The following OXR1 variants were observed in gnomAD, a reference collection of about 807,000 sequenced individuals.
OXR1 encodes the protein oxidation resistance protein 1.
A neutral mutation model predicts 104.6 loss-of-function variants in OXR1; 41 were observed. The observed-to-expected ratio is 0.39, with a 90% confidence interval of 0.31 to 0.51. OXR1 has a LOEUF of 0.51. Ranked by LOEUF, OXR1 falls within the 20% of genes least tolerant of loss-of-function variation. The pLI is 0.77. For missense variants in OXR1, 955 were observed against 1,031.9 expected, an observed-to-expected ratio of 0.93 and a Z score of 1.02; for synonymous variants, 348 against 348.4, an observed-to-expected ratio of 1.00 and a Z score of 0.01.
At chr8:106,518,755 T>G (rs1813043086) in intron 2 of OXR1, among the ~76,000 whole-genome samples, 188 bp from the exon 3 acceptor site, 1 of 152,226 alleles carries the variant, frequency 6.6e-6, no homozygotes, top group African/African-American at 2.4e-5. Flanking sequence ...AAGATATTTT[T>G]CCTTCTAGTT....
chr8:106,492,450 G>A (rs180685691), intron 2 of OXR1, among the ~76,000 whole-genome samples: 1 of 152,318 alleles, frequency 6.6e-6, no homozygotes, highest in African/African-American at 2.4e-5. Context: ...TAAATTCTCA[G>A]TGTGTTCACT....
chr8:106,711,620 C>T (rs944712226), intron 10 of OXR1, among the ~76,000 whole-genome samples: 2 of 152,040 alleles, frequency 1.3e-5, no homozygotes, highest in Admixed American at 1.3e-4. Context: ...TTTTAGGCTA[C>T]CTGCAAGCCA....
chr8:106,369,311 G>A (rs1188690353), intron 2 of OXR1, among the ~76,000 whole-genome samples: 1 of 152,076 alleles, frequency 6.6e-6, no homozygotes, highest in African/African-American at 2.4e-5. Context: ...TTTGTCAGAT[G>A]GGTAGATTGC....
At chr8:106,408,708 C>A (rs531437342) in intron 2 of OXR1, among the ~76,000 whole-genome samples, 1 of 152,136 alleles carries the variant, frequency 6.6e-6, no homozygotes, top group Non-Finnish European at 1.5e-5. Flanking sequence ...TGGGTGTAAT[C>A]GTGACTGCCG....
chr8:106,603,072 A>G (rs930555532), intron 3 of OXR1, among the ~76,000 whole-genome samples: 4 of 152,130 alleles, frequency 2.6e-5, no homozygotes, highest in African/African-American at 9.7e-5. Context: ...AGGTAAAAAA[A>G]CTCACTTCTC....
intron 2 of OXR1, among the ~76,000 whole-genome samples, chr8:106,395,688 G>C (rs906270954): frequency 2.0e-5 from 3 of 152,102 alleles, no homozygotes; most frequent in Non-Finnish European, 2.9e-5. Context: ...ACATCGTTTA[G>C]TACAGATACA....
intron 2 of OXR1, among the ~76,000 whole-genome samples, chr8:106,438,050 G>A (rs1053669284): frequency 1.3e-5 from 2 of 152,158 alleles, no homozygotes; most frequent in East Asian, 3.9e-4. Context: ...CATGTGAACA[G>A]GACAAACACC....
chr8:106,380,875 T>C (rs1048920827), intron 2 of OXR1, among the ~76,000 whole-genome samples: 1 of 152,194 alleles, frequency 6.6e-6, no homozygotes, highest in Non-Finnish European at 1.5e-5. Context: ...GATATATGAT[T>C]TCATAGAAGT....
chr8:106,292,416 C>T (rs1026710481), intron 1 of OXR1, among the ~76,000 whole-genome samples: 1 of 151,980 alleles, frequency 6.6e-6, no homozygotes, highest in Non-Finnish European at 1.5e-5. Context: ...TGTGGTTGCA[C>T]CTCAAAACTG....
chr8:106,740,686 AC>A (rs1311523310), intron 14 of OXR1, among the ~76,000 whole-genome samples, 191 bp downstream of exon 14: 4 of 152,174 alleles, frequency 2.6e-5, no homozygotes, highest in African/African-American at 7.2e-5. Context: ...ATTAAGAATT[AC>A]TGCCTTCAAA....
At chr8:106,735,704 C>T (rs1587287375) in intron 11 of OXR1, among the ~76,000 whole-genome samples, 1 of 151,948 alleles carries the variant, frequency 6.6e-6, no homozygotes, top group African/African-American at 2.4e-5. Context: ...TTTCTAGAGA[C>T]CTGTTTTGCT....
chr8:106,543,942 C>A (rs1275139267), intron 3 of OXR1, among the ~76,000 whole-genome samples: 1 of 152,144 alleles, frequency 6.6e-6, no homozygotes, highest in Non-Finnish European at 1.5e-5. Flanking sequence ...TTAAATGGAG[C>A]CCTTACTATT....
intron 2 of OXR1, among the ~76,000 whole-genome samples, chr8:106,360,710 G>T (rs1456726110): frequency 1.3e-5 from 2 of 151,936 alleles, no homozygotes; most frequent in African/African-American, 4.8e-5. Flanking sequence ...TTACTGCACA[G>T]TATGTTTTCT....
chr8:106,398,672 T>A (rs1817882192), intron 2 of OXR1, among the ~76,000 whole-genome samples: 1 of 152,162 alleles, frequency 6.6e-6, no homozygotes, highest in African/African-American at 2.4e-5. Flanking sequence ...CTTCTTTAAC[T>A]CTACTATCTT....
intron 2 of OXR1, among the ~76,000 whole-genome samples, chr8:106,486,891 A>G (rs986322340): frequency 2.6e-5 from 4 of 152,082 alleles, no homozygotes; most frequent in Non-Finnish European, 5.9e-5. Flanking sequence ...ATTATATGGT[A>G]ATAATACCTT....
Position 106,710,656 on chromosome 8 carries a change from A to T in OXR1, c.1659A>T (p.Arg553=). 6.3e-7 allele frequency: 1 copy of T among 1,592,652 alleles called. No homozygotes were observed. The highest frequency in any genetic ancestry group is 8.5e-7 in the Non-Finnish European group (1 of 1,170,226). ...SALLKEKQRH[R]LHKFLCLRVG... is the part of the protein sequence containing the mutation. ...TTTTAAAAGAAAAGCAAAGGCATCG[A>T]TTACATAAGTTCTTGTGTCTCAGAG... Residue 553 remains arginine (R), a synonymous_variant, in exon 10 of 17, where the codon CGA becomes CGT. Transcript: ENST00000517566.
chr8:106,714,030 A>G, intron 11 of OXR1, 45 bp downstream of exon 11: 1 of 1,420,466 alleles, frequency 7.0e-7, no homozygotes, highest in Non-Finnish European at 9.6e-7. Flanking sequence ...TTTAGTTTGT[A>G]TGAATTTATA....
intron 2 of OXR1, among the ~76,000 whole-genome samples, chr8:106,406,131 G>A (rs1818227811): frequency 6.6e-6 from 1 of 152,042 alleles, no homozygotes; most frequent in Non-Finnish European, 1.5e-5. Context: ...ACCTAATCTT[G>A]TCATAGGGTG....
intron 7 of OXR1, chr8:106,697,756 G>A (rs1321784788): frequency 3.7e-6 from 6 of 1,613,438 alleles, no homozygotes; most frequent in African/African-American, 2.7e-5. Flanking sequence ...CTGCTTGAAG[G>A]CCATGGTGGA....
Sources: allele counts gnomAD v4.1 joint callset (sites outside exome capture counted in the v4.1 genomes callset), GRCh38; gene constraint gnomAD v4.1.1; transcripts MANE v1.5; gene names NCBI Gene and HGNC (gene_info 2026-07-23, HGNC 2026-07-21).